FRMPD3: variants seen among roughly 807,000 people sequenced by gnomAD.
FRMPD3 encodes FERM and PDZ domain-containing protein 3.
Under a neutral mutation model 97.9 loss-of-function variants are expected in FRMPD3, and 42 were observed. The observed-to-expected ratio is 0.43, with a 90% CI of 0.34 to 0.55. FRMPD3 has a LOEUF of 0.55. Among genes scored for constraint, FRMPD3 ranks in the 20% least tolerant of loss-of-function variants. The pLI, the probability that FRMPD3 is intolerant of heterozygous loss-of-function variation, is 0.03. For missense variants in FRMPD3, 1,303 were observed against 1,457.7 expected (o/e 0.89, Z 1.73); for synonymous variants, 577 against 581.1 (o/e 0.99, Z 0.10).
Position 107,602,352 on chromosome X carries a change from C to T in FRMPD3, c.4313C>T (p.Pro1438Leu), listed in dbSNP as rs1178881319. 4 of 1,210,541 alleles carry T rather than the reference C, an allele frequency of 3.3e-6. No homozygotes were observed. Residue 1438 changes from proline to leucine, a missense_variant, in exon 15 of 15, where the codon CCC (proline) becomes CTC (leucine). By Grantham distance (98) the Pro-to-Leu change is moderately conservative (BLOSUM62 -3). Around this residue, in one of 3 missense-constraint regions of FRMPD3, gnomAD observed 764 missense variants for 820.2 expected, o/e 0.93. Transcript: ENST00000683843. ...VEASLPIALG[P>L]KSRSLESPTL... ...GCAAGCCTCCCCATAGCCTTGGGTC[C>T]CAAAAGCAGGTCTCTGGAGTCACCG...
rs1924756764 is a variant in FRMPD3 at position 107,604,822 on chromosome X, G to A, written c.*1449G>A. 9.0e-6 allele frequency: 1 copy of A among 110,928 alleles called. No individual in the cohort carries two copies. The highest frequency in any genetic ancestry group is 3.3e-5 in the African/African-American group (1 of 30,428). The allele number at this position is 110,928 out of a possible 1,213,427, so 9.1% of individuals were successfully genotyped here. On this transcript the variant is annotated 3_prime_UTR_variant, in exon 15 of 15. Transcript: ENST00000683843. ...TGTGAGTTTTATAAAGATGTACACT[G>A]TGCTTAATCCCTGCCCATCCTTGGT...
At chrX:107,497,535 C>T (rs181387588) in intron 1 of FRMPD3, among the ~76,000 whole-genome samples, 5 of 112,047 alleles carry the variant, frequency 4.5e-5, no homozygotes, top group African/African-American at 9.7e-5. Context: ...TTTGCATAGA[C>T]GAATGCAGAC....
chrX:107,516,817 T>G (rs1255927553), intron 1 of FRMPD3, among the ~76,000 whole-genome samples: 1 of 111,060 alleles, frequency 9.0e-6, no homozygotes, highest in Non-Finnish European at 1.9e-5. Context: ...TTTCTCCCAT[T>G]CTGTAGGTTA....
chrX:107,504,705 A>G (rs1027599627), intron 1 of FRMPD3, among the ~76,000 whole-genome samples: 1 of 112,068 alleles, frequency 8.9e-6, no homozygotes, highest in Non-Finnish European at 1.9e-5. Context: ...CAGAACCCCC[A>G]GCTTCCAACA....
chrX:107,563,375 T>C (rs1922462096), intron 11 of FRMPD3, among the ~76,000 whole-genome samples, 175 bp downstream of exon 11: 1 of 111,973 alleles, frequency 8.9e-6, no homozygotes, highest in Non-Finnish European at 1.9e-5. Context: ...GGAGGAGATA[T>C]TTGTTTTGAG....
At chrX:107,457,272 G>A (rs1931392156) in intron 1 of FRMPD3, among the ~76,000 whole-genome samples, 1 of 110,689 alleles carries the variant, frequency 9.0e-6, no homozygotes, top group African/African-American at 3.3e-5. Flanking sequence ...AATTTGATTC[G>A]TGGTATAGCT....
chrX:107,493,622 C>T (rs1027446403), intron 1 of FRMPD3, among the ~76,000 whole-genome samples: 7 of 111,973 alleles, frequency 6.3e-5, no homozygotes, highest in East Asian at 5.6e-4. Flanking sequence ...ATCAAAATAA[C>T]GTTAGCTATT....
intron 1 of FRMPD3, among the ~76,000 whole-genome samples, chrX:107,462,171 A>G (rs1007393806): frequency 6.3e-5 from 7 of 111,948 alleles, no homozygotes; most frequent in African/African-American, 2.0e-4. Flanking sequence ...ACAGAAAAAT[A>G]TAGAGGAAAA....
intron 1 of FRMPD3, among the ~76,000 whole-genome samples, chrX:107,516,720 G>T (rs774367398): frequency 9.1e-6 from 1 of 110,137 alleles, no homozygotes; most frequent in East Asian, 2.8e-4. Context: ...TGTTGATGGG[G>T]TTGTTTTTTT....
At chrX:107,487,675 C>T (rs1392828766) in intron 1 of FRMPD3, among the ~76,000 whole-genome samples, 7 of 111,612 alleles carry the variant, frequency 6.3e-5, no homozygotes, top group African/African-American at 2.3e-4. Context: ...GATGCCAGGC[C>T]CCATCCCACA....
intron 13 of FRMPD3, among the ~76,000 whole-genome samples, chrX:107,589,140 TGGA>T (rs1212584434): frequency 1.8e-5 from 2 of 111,557 alleles, no homozygotes; most frequent in Non-Finnish European, 3.8e-5. Context: ...TGTGATCATT[TGGA>T]GGAGAAGAGG....
chrX:107,578,581 C>T (rs761773672), intron 13 of FRMPD3, among the ~76,000 whole-genome samples: 7 of 111,523 alleles, frequency 6.3e-5, no homozygotes, highest in East Asian at 2.8e-4. Flanking sequence ...TGTGTCCATG[C>T]GGGAGCCAGA....
At chrX:107,586,860 T>C (rs968230122) in intron 13 of FRMPD3, among the ~76,000 whole-genome samples, 1 of 112,357 alleles carries the variant, frequency 8.9e-6, no homozygotes, top group South Asian at 3.7e-4. Context: ...AGGAGTGTTT[T>C]ACTTCGAATT....
At chrX:107,471,753 A>G (rs1220631155) in intron 1 of FRMPD3, among the ~76,000 whole-genome samples, 9 of 112,320 alleles carry the variant, frequency 8.0e-5, no homozygotes, top group African/African-American at 1.9e-4. Flanking sequence ...TAGTGCTGCA[A>G]TAAACATACG....
intron 1 of FRMPD3, among the ~76,000 whole-genome samples, chrX:107,454,269 G>T (rs1931340957): frequency 9.0e-6 from 1 of 110,638 alleles, no homozygotes; most frequent in Non-Finnish European, 1.9e-5. Flanking sequence ...TTTCTTTATT[G>T]ACAAGGACAC....
intron 13 of FRMPD3, among the ~76,000 whole-genome samples, chrX:107,588,831 T>C (rs1448920196): frequency 9.0e-6 from 1 of 111,554 alleles, no homozygotes; most frequent in Non-Finnish European, 1.9e-5. Context: ...CAAGGTGGTC[T>C]TCAAACTCTA....
At chrX:107,528,079 T>G (rs763522740) in intron 2 of FRMPD3, among the ~76,000 whole-genome samples, 1 of 110,741 alleles carries the variant, frequency 9.0e-6, no homozygotes, top group African/African-American at 3.3e-5. Context: ...GCCAAAGGTA[T>G]AACAATGAAG....
At chrX:107,567,040 A>G (rs893342511) in intron 12 of FRMPD3, among the ~76,000 whole-genome samples, 1 of 112,461 alleles carries the variant, frequency 8.9e-6, no homozygotes, top group Admixed American at 9.4e-5. Context: ...CAAGGCTCAA[A>G]TCCCAGCCTT....
intron 3 of FRMPD3, 95 bp downstream of exon 3, chrX:107,530,606 C>A: frequency 1.6e-6 from 1 of 625,990 alleles, no homozygotes; most frequent in Non-Finnish European, 2.5e-6. Context: ...GCTCTGAGAG[C>A]AGAATCCTTC....
Sources: gnomAD v4.1 joint callset for allele counts (sites outside exome capture counted in the v4.1 genomes callset) on GRCh38, gnomAD v4.1.1 for gene constraint, gnomAD v4.1.1 regional missense constraint, MANE v1.5 for transcripts, NCBI Gene and HGNC (gene_info 2026-07-23, HGNC 2026-07-21) for gene names.